ASAP1: variants seen among roughly 807,000 people sequenced by gnomAD.
ASAP1 encodes ArfGAP with SH3 domain, ankyrin repeat and PH domain 1, also known as arf-GAP with SH3 domain, ANK repeat and PH domain-containing protein 1.
Under a neutral mutation model 145.2 loss-of-function variants are expected in ASAP1, and 43 were observed. The observed-to-expected ratio is 0.30, with a 90% CI of 0.23 to 0.38. The LOEUF (loss-of-function observed/expected upper bound fraction) is 0.38, where lower values mean the gene tolerates loss of function less well. Among genes scored for constraint, ASAP1 ranks in the 10% least tolerant of loss-of-function variants. The probability of loss-of-function intolerance (pLI) is 1.00; values close to 1 mark genes in which losing one functional copy is unlikely to be tolerated. For synonymous variants in ASAP1, 546 were observed against 515.5 expected, an observed-to-expected ratio of 1.06 and a Z score of -0.80; for missense variants, 1,018 against 1,355.3, an observed-to-expected ratio of 0.75 and a Z score of 3.91.
intron 2 of ASAP1, among the ~76,000 whole-genome samples, chr8:130,372,358 A>G (rs1827251462): frequency 6.6e-6 from 1 of 152,248 alleles, no homozygotes; most frequent in Non-Finnish European, 1.5e-5. Flanking sequence ...GTTCTGCCCA[A>G]TCTCTCCAGA....
intron 2 of ASAP1, among the ~76,000 whole-genome samples, chr8:130,396,385 AAGGG>A (rs775702145): frequency 9.9e-5 from 15 of 152,176 alleles, no homozygotes; most frequent in Non-Finnish European, 2.1e-4. Context: ...GGGAAAAATG[AAGGG>A]AGGGAGGAAG....
intron 4 of ASAP1, among the ~76,000 whole-genome samples, chr8:130,231,690 A>G (rs1263075751): frequency 6.6e-6 from 1 of 152,240 alleles, no homozygotes; most frequent in Non-Finnish European, 1.5e-5. Context: ...TCTGCTCAAA[A>G]AGATTAACAT....
intron 2 of ASAP1, among the ~76,000 whole-genome samples, chr8:130,377,601 C>T (rs1827565941): frequency 6.6e-6 from 1 of 152,234 alleles, no homozygotes; most frequent in South Asian, 2.1e-4. Context: ...AGATGGCCTG[C>T]CAGGCCCACT....
chr8:130,217,249 T>C (rs1163639195), intron 4 of ASAP1, among the ~76,000 whole-genome samples: 4 of 152,294 alleles, frequency 2.6e-5, no homozygotes, highest in South Asian at 2.1e-4. Context: ...AGTAGATGCA[T>C]AGTATTTACA....
chr8:130,312,449 A>C (rs1376414499), intron 3 of ASAP1, among the ~76,000 whole-genome samples: 3 of 136,294 alleles, frequency 2.2e-5, no homozygotes, highest in Non-Finnish European at 4.9e-5. Flanking sequence ...CACTAAAAGG[A>C]GGGGAAAAAA....
Position 130,171,979 on chromosome 8 carries a change from T to C in ASAP1, c.747-2912A>G, listed in dbSNP as rs143458278. On this transcript the variant is annotated intron_variant, in intron 9 of 29. Transcript: ENST00000518721. Reference sequence around the variant, plus strand: ...GAAGGTAGAGCATTTAAATTTAAGATGGATGTTGTCAGGACTTCTTACAAC... The same window carrying C: ...GAAGGTAGAGCATTTAAATTTAAGACGGATGTTGTCAGGACTTCTTACAAC... Among the ~76,000 whole-genome samples the C allele has an allele frequency of 1.9e-4, 29 of 152,360 alleles. No individual in the cohort carries two copies. The South Asian group carries it at 2.5e-3, about 13-fold the overall frequency.
At position 130,196,554 on chromosome 8, in the gene ASAP1, A is replaced by G. The variant is rs1815504717; in HGVS notation, c.406-8371T>C. On this transcript the variant is annotated intron_variant, in intron 5 of 29. Transcript: ENST00000518721. ...GGCCTCGTTTTTTCTTGCCTCTGAC[A>G]GAAGAGCAGAGCACAGCTCTACAAA... Among the ~76,000 whole-genome samples, 3 of 152,360 alleles carry G rather than the reference A, an allele frequency of 2.0e-5. No homozygotes were observed. The South Asian group carries it at 6.2e-4, about 32-fold the overall frequency.
At chr8:130,134,004 C>T (rs956548844) in intron 15 of ASAP1, among the ~76,000 whole-genome samples, 20 of 152,198 alleles carry the variant, frequency 1.3e-4, no homozygotes, top group Admixed American at 1.1e-3. Flanking sequence ...ACATGCACCA[C>T]AGGATCACAG....
At position 130,076,512 on chromosome 8, in the gene ASAP1, G is replaced by A. The variant is rs146111332; in HGVS notation, c.2643-106C>T. The A allele has an allele frequency of 1.6e-5, 14 of 871,010 alleles. No individual in the cohort carries two copies. In the African/African-American group the frequency reaches 2.2e-4, roughly 14 times the overall value. The allele number at this position is 871,010 out of a possible 1,614,324, so 54.0% of individuals were successfully genotyped here. On this transcript the variant is annotated intron_variant, in intron 26 of 29. Transcript: ENST00000518721. ...AAAGGTATTTACATAATCATCTAAA[G>A]AATGCTTTCAAAATTTCCTTTTTTT...
chr8:130,329,480 T>A (rs1477259569), intron 3 of ASAP1, among the ~76,000 whole-genome samples: 2 of 152,150 alleles, frequency 1.3e-5, no homozygotes, highest in African/African-American at 2.4e-5. Context: ...ATTAAGAGGA[T>A]CTTGGAGGTC....
At chr8:130,196,410 C>T (rs1815494963) in intron 5 of ASAP1, among the ~76,000 whole-genome samples, 1 of 152,004 alleles carries the variant, frequency 6.6e-6, no homozygotes, top group Non-Finnish European at 1.5e-5. Flanking sequence ...TACTGCCCAA[C>T]TCAGCTCCAA....
chr8:130,070,284 A>C (rs897234993), intron 27 of ASAP1, among the ~76,000 whole-genome samples: 2 of 151,970 alleles, frequency 1.3e-5, no homozygotes, highest in African/African-American at 4.8e-5. Flanking sequence ...TGATCTGCCC[A>C]CCTTGGCCTC....
Position 130,121,784 on chromosome 8 carries a change from CAAAAAAA to C in ASAP1, c.1607+2222_1607+2228del, listed in dbSNP as rs56996962. Among the ~76,000 whole-genome samples, 36 of 25,404 alleles carry C rather than the reference CAAAAAAA, an allele frequency of 1.4e-3. 1 individual carries two copies. Among genetic ancestry groups the C allele is most frequent in the African/African-American group, 2.9e-3 (33 of 11,406 alleles). The allele number at this position is 25,404 out of a possible 152,430, so 16.7% of individuals were successfully genotyped here. On this transcript the variant is annotated intron_variant, in intron 18 of 29. Coordinates refer to ENST00000518721, the MANE Select transcript of ASAP1 (RefSeq NM_018482.4). ...AGGCTATGAGAGTGAAATTCCATCTCAAAAAAAAAAAAAAAAAAAAAAAAAAAAGAAC... is the reference window on the plus strand; with the variant it reads ...AGGCTATGAGAGTGAAATTCCATCTCAAAAAAAAAAAAAAAAAAAAAGAAC...
At chr8:130,333,980 G>A (rs1372154095) in intron 3 of ASAP1, among the ~76,000 whole-genome samples, 1 of 152,302 alleles carries the variant, frequency 6.6e-6, no homozygotes, top group East Asian at 1.9e-4. Flanking sequence ...ACTTCTAATG[G>A]GGACTGGGGA....
intron 24 of ASAP1, among the ~76,000 whole-genome samples, chr8:130,096,591 A>G (rs878888437): frequency 6.6e-6 from 1 of 152,204 alleles, no homozygotes; most frequent in Admixed American, 6.5e-5. Flanking sequence ...CTATGAATAA[A>G]TCTGAGGTTA....
At chr8:130,332,364 T>C (rs1163908214) in intron 3 of ASAP1, among the ~76,000 whole-genome samples, 2 of 152,218 alleles carry the variant, frequency 1.3e-5, no homozygotes, top group East Asian at 1.9e-4. Flanking sequence ...CCACACCACC[T>C]GCACTTTTTG....
chr8:130,074,805 T>C lies in ASAP1; in HGVS notation c.2701+1543A>G, dbSNP rs2097458625. Among the ~76,000 whole-genome samples the C allele has an allele frequency of 3.3e-5, 5 of 152,278 alleles. No homozygotes were observed. In the South Asian group the frequency reaches 1.0e-3, roughly 32 times the overall value. On this transcript the variant is annotated intron_variant, in intron 27 of 29. Transcript: ENST00000518721. ...GGCTGAAAGGTTGCGGTGCTGGGAC[T>C]GCTGGGCAGCCCCAGATGACCATGT...
intron 5 of ASAP1, among the ~76,000 whole-genome samples, chr8:130,209,968 T>G (rs1565092347): frequency 6.6e-6 from 1 of 152,250 alleles, no homozygotes; most frequent in Non-Finnish European, 1.5e-5. Flanking sequence ...TTTGGAAAAC[T>G]TGAATTTGCC....
At position 130,428,606 on chromosome 8, in the gene ASAP1, CCAT is replaced by C. The variant is rs1422276437; in HGVS notation, c.-28+14851_-28+14853del. Among the ~76,000 whole-genome samples, 405 of 143,222 alleles carry C rather than the reference CCAT, an allele frequency of 2.8e-3. 1 individual carries two copies. Among genetic ancestry groups the C allele is most frequent in the African/African-American group, 9.8e-3 (379 of 38,634 alleles). The allele number at this position is 143,222 out of a possible 152,430, so 94.0% of individuals were successfully genotyped here. A position where few individuals can be genotyped will look rare whatever the true frequency, so the allele number is the denominator to read the frequency against. The stretch of plus-strand genomic sequence containing the variant: ...ATCAACTCCATCATCACCACTATCA[CCAT>C]CATCATCACCACCACCACCACCACT... On this transcript the variant is annotated intron_variant, in intron 1 of 29. Transcript: ENST00000518721.
Sources: gnomAD v4.1 joint callset for allele counts (sites outside exome capture counted in the v4.1 genomes callset) on GRCh38, gnomAD v4.1.1 for gene constraint, MANE v1.5 for transcripts, NCBI Gene and HGNC (gene_info 2026-07-23, HGNC 2026-07-21) for gene names.